The following DLEU7 variants were observed in gnomAD, a reference collection of about 807,000 sequenced individuals.
DLEU7 encodes deleted in lymphocytic leukemia 7, also known as leukemia-associated protein 7.
Under a neutral mutation model 16.0 loss-of-function variants are expected in DLEU7, and 17 were observed. The observed-to-expected ratio is 1.06, with a 90% CI of 0.73 to 1.59. DLEU7 has a LOEUF of 1.59. DLEU7 is among the 40% of genes most tolerant of loss of function. The pLI is 0.00. For synonymous variants in DLEU7, 113 were observed against 139.8 expected (o/e 0.81, Z 1.35); for missense variants, 308 against 314.9 (o/e 0.98, Z 0.17).
chr13:50,803,931 A>G (rs932069925), intron 1 of DLEU7, among the ~76,000 whole-genome samples: 18 of 152,080 alleles, frequency 1.2e-4, no homozygotes, highest in Non-Finnish European at 1.9e-4. Flanking sequence ...TTACTACAAT[A>G]CTTTTAAAAC....
downstream of DLEU7, among the ~76,000 whole-genome samples, chr13:50,819,797 G>C (rs1876842263): frequency 6.6e-6 from 1 of 152,192 alleles, no homozygotes; most frequent in South Asian, 2.1e-4. Flanking sequence ...CATCCAAGTA[G>C]AGATATTCTG....
chr13:50,748,077 C>G (rs1056616058), intron 1 of DLEU7, among the ~76,000 whole-genome samples: 6 of 152,134 alleles, frequency 3.9e-5, no homozygotes, highest in Non-Finnish European at 8.8e-5. Flanking sequence ...TTTCATTAAA[C>G]AGAAATTAAT....
intron 1 of DLEU7, among the ~76,000 whole-genome samples, chr13:50,806,976 CAAAAAAAA>C (rs556761618): frequency 3.7e-5 from 2 of 54,190 alleles, no homozygotes; most frequent in South Asian, 6.4e-4. Flanking sequence ...GACTCCCTCT[CAAAAAAAA>C]AAAAAAAAAA....
At chr13:50,829,671 T>C (rs1290642209) in intron 1 of DLEU7, among the ~76,000 whole-genome samples, 1 of 152,228 alleles carries the variant, frequency 6.6e-6, no homozygotes, top group Non-Finnish European at 1.5e-5. Flanking sequence ...TATTTTACTA[T>C]TCTAGTACAG....
intron 1 of DLEU7, among the ~76,000 whole-genome samples, chr13:50,778,180 G>A (rs777793140): frequency 2.0e-5 from 3 of 152,200 alleles, no homozygotes; most frequent in Non-Finnish European, 4.4e-5. Context: ...GGGGAAGCAA[G>A]GTATGTCTTC....
At chr13:50,791,926 A>G (rs1875970592) in intron 1 of DLEU7, among the ~76,000 whole-genome samples, 1 of 152,220 alleles carries the variant, frequency 6.6e-6, no homozygotes, top group Admixed American at 6.5e-5. Context: ...ACAAAGAAAT[A>G]GAATTGAGCT....
At chr13:50,778,180 G>C (rs777793140) in intron 1 of DLEU7, among the ~76,000 whole-genome samples, 3 of 152,200 alleles carry the variant, frequency 2.0e-5, no homozygotes, top group Non-Finnish European at 4.4e-5. Context: ...GGGGAAGCAA[G>C]GTATGTCTTC....
At chr13:50,794,172 C>T (rs7326798) in intron 1 of DLEU7, among the ~76,000 whole-genome samples, 64,473 of 151,924 alleles carry the variant, frequency 0.42, 14,004 homozygotes, top group African/African-American at 0.52. Context: ...CCTTTGTATT[C>T]ACCACTGTAT....
At chr13:50,737,854 A>G (rs1056762424) in intron 1 of DLEU7, among the ~76,000 whole-genome samples, 4 of 152,146 alleles carry the variant, frequency 2.6e-5, no homozygotes, top group African/African-American at 4.8e-5. Flanking sequence ...AAAGCTAGCC[A>G]TGATTAAACT....
intron 1 of DLEU7, among the ~76,000 whole-genome samples, chr13:50,837,171 C>T (rs535659577): frequency 6.6e-5 from 10 of 152,258 alleles, no homozygotes; most frequent in Admixed American, 2.0e-4. Context: ...ACTGGAAATG[C>T]GCACAAATAA....
chr13:50,785,578 G>T (rs1875776503), intron 1 of DLEU7, among the ~76,000 whole-genome samples: 1 of 152,118 alleles, frequency 6.6e-6, no homozygotes, highest in African/African-American at 2.4e-5. Context: ...CCAACTACTG[G>T]GTGATTAAGA....
downstream of DLEU7, among the ~76,000 whole-genome samples, chr13:50,821,729 AG>A (rs1876910722): frequency 9.0e-6 from 1 of 111,298 alleles, no homozygotes; most frequent in Non-Finnish European, 2.1e-5. Context: ...TCGTTGGGTA[AG>A]GTAAAAAAAA....
intron 1 of DLEU7, among the ~76,000 whole-genome samples, chr13:50,766,808 C>A (rs1229225886): frequency 6.6e-6 from 1 of 151,372 alleles, no homozygotes; most frequent in East Asian, 2.0e-4. Flanking sequence ...CCACCCCCCA[C>A]GCCCCACCCC....
At chr13:50,811,285 A>G (rs1410907250) in intron 1 of DLEU7, among the ~76,000 whole-genome samples, 1 of 152,146 alleles carries the variant, frequency 6.6e-6, no homozygotes, top group African/African-American at 2.4e-5. Flanking sequence ...AACCGAGGGA[A>G]GGCCTTTAGA....
intron 1 of DLEU7, among the ~76,000 whole-genome samples, chr13:50,740,529 C>T (rs967844939): frequency 4.1e-4 from 62 of 152,240 alleles, no homozygotes; most frequent in African/African-American, 1.2e-3. Context: ...CTTCACAAAA[C>T]AGTATACCAG....
chr13:50,757,255 TTTGTTG>T (rs1196383550), intron 1 of DLEU7, among the ~76,000 whole-genome samples: 1 of 152,164 alleles, frequency 6.6e-6, no homozygotes, highest in Non-Finnish European at 1.5e-5. Context: ...ATGATGATCT[TTTGTTG>T]TTGTTGTTTT....
intron 1 of DLEU7, among the ~76,000 whole-genome samples, chr13:50,832,389 A>G (rs139659858): frequency 0.018 from 2,689 of 151,958 alleles, 37 homozygotes; most frequent in East Asian, 0.038. Flanking sequence ...TCCTTTATTA[A>G]TCTGGCTAGC....
chr13:50,768,225 T>C (rs1446171170), intron 1 of DLEU7, among the ~76,000 whole-genome samples: 1 of 152,212 alleles, frequency 6.6e-6, no homozygotes, highest in African/African-American at 2.4e-5. Flanking sequence ...CGTACACATA[T>C]ATACATATAT....
chr13:50,842,405 T>A (rs1877696329), intron 1 of DLEU7, among the ~76,000 whole-genome samples: 1 of 152,190 alleles, frequency 6.6e-6, no homozygotes, highest in African/African-American at 2.4e-5. Context: ...TTCGTGACCT[T>A]AAACCAATTA....
Sources: gnomAD v4.1 joint callset for allele counts (sites outside exome capture counted in the v4.1 genomes callset) on GRCh38, gnomAD v4.1.1 for gene constraint, MANE v1.5 for transcripts, NCBI Gene and HGNC (gene_info 2026-07-23, HGNC 2026-07-21) for gene names.